CLPB: variants seen among roughly 807,000 people sequenced by gnomAD.
The protein encoded by CLPB is mitochondrial disaggregase.
In CLPB, 40 loss-of-function variants were observed where a neutral mutation model predicts 78.4. That is an observed-to-expected ratio of 0.51 (90% CI 0.40 to 0.66). The LOEUF (loss-of-function observed/expected upper bound fraction) is 0.66. Among genes scored for constraint, CLPB ranks in the 30% least tolerant of loss-of-function variants. CLPB has a pLI of 0.00. For synonymous variants in CLPB, 333 were observed against 348.0 expected (o/e 0.96, Z 0.48); for missense variants, 780 against 886.9 (o/e 0.88, Z 1.53).
intron 2 of CLPB, among the ~76,000 whole-genome samples, chr11:72,412,503 C>T (rs1448913236): frequency 2.6e-5 from 4 of 152,160 alleles, no homozygotes; most frequent in Non-Finnish European, 4.4e-5. Flanking sequence ...TTAATCAGTC[C>T]AAATCTTCCT....
At chr11:72,430,415 C>A (rs754459974) in intron 1 of CLPB, 52 bp from the exon 2 acceptor site, 3 of 1,570,344 alleles carry the variant, frequency 1.9e-6, no homozygotes, top group Non-Finnish European at 8.7e-7. Flanking sequence ...ATACCCATCT[C>A]AGGACTGCGT....
chr11:72,415,961 C>T (rs1447713516), intron 2 of CLPB, among the ~76,000 whole-genome samples: 2 of 152,132 alleles, frequency 1.3e-5, no homozygotes, highest in Non-Finnish European at 2.9e-5. Context: ...GTTTAGGGAA[C>T]CAAGGCTCAT....
At chr11:72,344,364 A>T (rs1056956194) in intron 5 of CLPB, among the ~76,000 whole-genome samples, 2 of 148,694 alleles carry the variant, frequency 1.3e-5, no homozygotes, top group Non-Finnish European at 3.0e-5. Flanking sequence ...ACATCACCAC[A>T]CCCAGCTAAT....
intron 5 of CLPB, among the ~76,000 whole-genome samples, chr11:72,336,367 T>C (rs926302755): frequency 1.4e-4 from 21 of 152,152 alleles, no homozygotes; most frequent in African/African-American, 4.3e-4. Context: ...ACGATTCCAC[T>C]ACAGTTCCCA....
intron 3 of CLPB, among the ~76,000 whole-genome samples, chr11:72,385,110 T>C (rs1339857183): frequency 6.6e-6 from 1 of 152,246 alleles, no homozygotes; most frequent in Non-Finnish European, 1.5e-5. Context: ...CTCAAGCACA[T>C]GGGAACATTA....
intron 3 of CLPB, among the ~76,000 whole-genome samples, chr11:72,392,001 T>C (rs569115207): frequency 1.3e-5 from 2 of 151,684 alleles, no homozygotes; most frequent in Non-Finnish European, 2.9e-5. Flanking sequence ...CAGAGGGGGT[T>C]GGGGTGCTCA....
intron 1 of CLPB, among the ~76,000 whole-genome samples, chr11:72,431,183 A>G (rs1260148181): frequency 1.3e-5 from 2 of 152,172 alleles, no homozygotes; most frequent in Admixed American, 6.5e-5. Flanking sequence ...CATAAAGAAA[A>G]TTGGACTGAC....
intron 4 of CLPB, among the ~76,000 whole-genome samples, chr11:72,378,769 C>T (rs760233947): frequency 1.3e-5 from 2 of 152,160 alleles, no homozygotes; most frequent in Non-Finnish European, 2.9e-5. Flanking sequence ...AAAACATAAA[C>T]ACAATTCCTC....
intron 5 of CLPB, among the ~76,000 whole-genome samples, chr11:72,330,882 C>T (rs1950212029): frequency 6.6e-6 from 1 of 152,072 alleles, no homozygotes; most frequent in African/African-American, 2.4e-5. Context: ...AAGACTCAGT[C>T]CCTGCCATAG....
At position 72,293,555 on chromosome 11, in the gene CLPB, C is replaced by T. The variant is rs766101883; in HGVS notation, c.1846G>A (p.Gly616Ser). Reference sequence around the variant, plus strand: ...TCCACCGTGATGCGCAAAGTACAGCCCCCTGGCAGCAGGTCCTGCTCATAG... The same window carrying T: ...TCCACCGTGATGCGCAAAGTACAGCTCCCTGGCAGCAGGTCCTGCTCATAG... ...AAYEQDLLPG[G>S]CTLRITVEDS... The change falls in exon 16 of 16, where the codon GGC becomes AGC. Residue 616 changes from glycine (G) to serine (S), a missense_variant. Physicochemically the swap from Gly to Ser is moderately conservative, Grantham distance 56. Around this residue, in one of 3 missense-constraint regions of CLPB, gnomAD observed 272 missense variants for 304.0 expected, o/e 0.89. Coordinates refer to ENST00000538039, the MANE Select transcript of CLPB (RefSeq NM_001258392.3). The T allele has an allele frequency of 8.1e-6, 13 of 1,614,078 alleles. No homozygotes were observed. The highest frequency in any genetic ancestry group is 6.7e-5 in the Admixed American group (4 of 60,010).
intron 4 of CLPB, among the ~76,000 whole-genome samples, chr11:72,366,376 G>A (rs925746187): frequency 4.0e-5 from 6 of 151,780 alleles, no homozygotes; most frequent in African/African-American, 7.3e-5. Flanking sequence ...CACCACACCC[G>A]GCTAATTTTT....
At chr11:72,360,943 C>A (rs1332575965) in intron 4 of CLPB, among the ~76,000 whole-genome samples, 1 of 152,190 alleles carries the variant, frequency 6.6e-6, no homozygotes, top group East Asian at 1.9e-4. Context: ...CCCTCAATTT[C>A]CAAATGAGGA....
chr11:72,368,675 G>A (rs999488002), intron 4 of CLPB, among the ~76,000 whole-genome samples: 2 of 152,116 alleles, frequency 1.3e-5, no homozygotes, highest in Admixed American at 1.3e-4. Flanking sequence ...AGTATGGCAG[G>A]TTGCTTAATA....
chr11:72,390,758 C>T (rs556532547), intron 3 of CLPB, among the ~76,000 whole-genome samples: 4 of 152,184 alleles, frequency 2.6e-5, no homozygotes, highest in Non-Finnish European at 5.9e-5. Flanking sequence ...GCCAATCTTG[C>T]AGGACTTCAT....
intron 4 of CLPB, among the ~76,000 whole-genome samples, chr11:72,373,613 C>T (rs746682614): frequency 6.6e-6 from 1 of 152,112 alleles, no homozygotes; most frequent in Non-Finnish European, 1.5e-5. Context: ...TTTCCCCATC[C>T]TCTTCATCCT....
At chr11:72,332,476 A>T (rs538672965) in intron 5 of CLPB, among the ~76,000 whole-genome samples, 25 of 152,224 alleles carry the variant, frequency 1.6e-4, no homozygotes, top group Non-Finnish European at 2.1e-4. Flanking sequence ...GCAACAGAGC[A>T]AGGCCTTGTC....
intron 5 of CLPB, among the ~76,000 whole-genome samples, chr11:72,347,781 AT>A (rs1950543038): frequency 6.6e-6 from 1 of 152,212 alleles, no homozygotes; most frequent in African/African-American, 2.4e-5. Flanking sequence ...GATGTTGCTA[AT>A]TAGTTGACTT....
chr11:72,416,828 T>G (rs57275811), intron 2 of CLPB, among the ~76,000 whole-genome samples: 2,703 of 151,814 alleles, frequency 0.018, 41 homozygotes, highest in East Asian at 0.068. Flanking sequence ...GCTCACATCA[T>G]TAGCCATTAG....
intron 5 of CLPB, among the ~76,000 whole-genome samples, chr11:72,356,424 C>T (rs1950716633): frequency 6.6e-6 from 1 of 152,096 alleles, no homozygotes; most frequent in South Asian, 2.1e-4. Flanking sequence ...AGAGCAGGAT[C>T]CTGCCTCTCG....
Sources: allele counts gnomAD v4.1 joint callset (sites outside exome capture counted in the v4.1 genomes callset), GRCh38; gene constraint gnomAD v4.1.1; regional missense constraint gnomAD v4.1.1; transcripts MANE v1.5; gene names NCBI Gene and HGNC (gene_info 2026-07-23, HGNC 2026-07-21).